Variants in ZDHHC15 observed in about 807,000 individuals in gnomAD.
The protein encoded by ZDHHC15 is palmitoyltransferase ZDHHC15.
ZDHHC15 carries 19 observed loss-of-function variants against 31.7 expected under a neutral mutation model. The observed-to-expected ratio is 0.60, with a 90% CI of 0.42 to 0.88. The LOEUF (loss-of-function observed/expected upper bound fraction) is 0.88. Ranked by LOEUF, ZDHHC15 falls within the 40% of genes least tolerant of loss-of-function variation. The probability of loss-of-function intolerance (pLI) is 0.00; values close to 1 mark genes in which losing one functional copy is unlikely to be tolerated. For missense variants in ZDHHC15, 209 were observed against 251.2 expected, an observed-to-expected ratio of 0.83 and a Z score of 1.14; for synonymous variants, 103 against 90.0, an observed-to-expected ratio of 1.14 and a Z score of -0.82.
chrX:75,488,062 C>T (rs2084806795), intron 2 of ZDHHC15, among the ~76,000 whole-genome samples: 2 of 111,808 alleles, frequency 1.8e-5, no homozygotes, highest in African/African-American at 6.5e-5. Context: ...ACTGTTGTTC[C>T]TGAGGAAAAA....
At chrX:75,517,040 C>G (rs1320255120) in intron 1 of ZDHHC15, among the ~76,000 whole-genome samples, 1 of 111,815 alleles carries the variant, frequency 8.9e-6, no homozygotes, top group African/African-American at 3.3e-5. Flanking sequence ...CAATGAGATA[C>G]CATCTCACAC....
At chrX:75,494,117 C>A (rs1438563919) in intron 2 of ZDHHC15, among the ~76,000 whole-genome samples, 1 of 111,367 alleles carries the variant, frequency 9.0e-6, no homozygotes, top group Non-Finnish European at 1.9e-5. Flanking sequence ...ACAAAAATCA[C>A]AAGCATTCTT....
intron 2 of ZDHHC15, chrX:75,502,144 G>A (rs1233773061): frequency 8.9e-6 from 1 of 111,822 alleles, no homozygotes; most frequent in Non-Finnish European, 1.9e-5. Flanking sequence ...AGAAGTCCAA[G>A]ATAAAAGTGT....
At chrX:75,513,794 T>C (rs1214170198) in intron 1 of ZDHHC15, among the ~76,000 whole-genome samples, 2 of 109,991 alleles carry the variant, frequency 1.8e-5, no homozygotes, top group African/African-American at 6.6e-5. Flanking sequence ...AACTAAAAGA[T>C]ATCCACAATC....
At chrX:75,460,810 T>C (rs965767659) in intron 3 of ZDHHC15, among the ~76,000 whole-genome samples, 5 of 111,773 alleles carry the variant, frequency 4.5e-5, no homozygotes, top group Non-Finnish European at 9.4e-5. Flanking sequence ...ACATTGAAGA[T>C]AGATAAGCCC....
At chrX:75,386,533 T>C (rs761677357) in intron 10 of ZDHHC15, among the ~76,000 whole-genome samples, 8 of 111,150 alleles carry the variant, frequency 7.2e-5, no homozygotes, top group Non-Finnish European at 1.3e-4. Flanking sequence ...TGGAGTGCAG[T>C]TGTGTGGTCA....
At chrX:75,493,804 T>G (rs1430213665) in intron 2 of ZDHHC15, among the ~76,000 whole-genome samples, 4 of 111,680 alleles carry the variant, frequency 3.6e-5, no homozygotes, top group African/African-American at 6.5e-5. Context: ...GAGCTATCTA[T>G]GACAAAACCA....
At chrX:75,444,213 T>C (rs1279176594) in intron 4 of ZDHHC15, among the ~76,000 whole-genome samples, 53 of 110,396 alleles carry the variant, frequency 4.8e-4, no homozygotes, top group Admixed American at 6.8e-4. Flanking sequence ...GACTTGGAAC[T>C]AACCCAAATG....
chrX:75,409,483 G>A (rs1390787869), intron 10 of ZDHHC15, among the ~76,000 whole-genome samples: 2 of 32,722 alleles, frequency 6.1e-5, no homozygotes, highest in Non-Finnish European at 4.9e-5. Context: ...GGAAGTCCCT[G>A]CCAAAAAAAA....
At chrX:75,436,823 G>A (rs1223465112) in intron 4 of ZDHHC15, among the ~76,000 whole-genome samples, 1 of 112,757 alleles carries the variant, frequency 8.9e-6, no homozygotes, top group Non-Finnish European at 1.9e-5. Context: ...TAGTTGGGTA[G>A]AATGTTCTGT....
At chrX:75,440,684 C>G (rs569463219) in intron 4 of ZDHHC15, among the ~76,000 whole-genome samples, 1 of 112,073 alleles carries the variant, frequency 8.9e-6, no homozygotes, top group South Asian at 3.7e-4. Flanking sequence ...GGGATTCAAT[C>G]TTTCCCTAGG....
rs753179436 is a variant in ZDHHC15, at chrX:75,400,469, G to T, written c.967+16618C>A. 8.1e-5 allele frequency among the ~76,000 whole-genome samples: 9 copies of T among 111,762 alleles called. No individual in the cohort carries two copies. In the South Asian group the frequency reaches 3.4e-3, roughly 43 times the overall value. ...GGGAAATGAACAAAACCTCCAAGAA[G>T]TATGAGATTATGTAAAGAGGCCAAA... is the stretch of plus-strand genomic sequence containing the variant. On this transcript the variant is annotated intron_variant, in intron 10 of 11. Transcript: ENST00000373367.
chrX:75,403,111 C>T (rs1290812923), intron 10 of ZDHHC15, among the ~76,000 whole-genome samples: 1 of 112,338 alleles, frequency 8.9e-6, no homozygotes, highest in African/African-American at 3.2e-5. Context: ...TGTGATTAAT[C>T]ACATAAATAG....
intron 1 of ZDHHC15, among the ~76,000 whole-genome samples, chrX:75,516,000 T>C (rs1425495869): frequency 9.0e-6 from 1 of 111,027 alleles, no homozygotes; most frequent in Non-Finnish European, 1.9e-5. Context: ...TCAAAGAGAA[T>C]AAAATACCTA....
At position 75,440,695 on chromosome X, in the gene ZDHHC15, G is replaced by T. The variant is rs777252525; in HGVS notation, c.380-9175C>A. ...AGCGGGGATTCAATCTTTCCCTAGG[G>T]TCACCTGGATAAGTATTCTGGTTTC... On this transcript the variant is annotated intron_variant, in intron 4 of 11. Coordinates refer to ENST00000373367, the MANE Select transcript of ZDHHC15 (RefSeq NM_144969.3). Among the ~76,000 whole-genome samples the T allele has an allele frequency of 1.1e-4, 12 of 111,885 alleles. No homozygotes were observed. The South Asian group carries it at 4.5e-3, about 42-fold the overall frequency.
At chrX:75,517,600 G>C (rs1238632597) in intron 1 of ZDHHC15, among the ~76,000 whole-genome samples, 1 of 76,702 alleles carries the variant, frequency 1.3e-5, no homozygotes, top group East Asian at 5.6e-4. Flanking sequence ...GGTGGGGGGA[G>C]GGGGGAGGGA....
At chrX:75,410,615 A>G (rs1156466324) in intron 10 of ZDHHC15, among the ~76,000 whole-genome samples, 1 of 112,034 alleles carries the variant, frequency 8.9e-6, no homozygotes, top group Admixed American at 9.4e-5. Context: ...ATGAAAGGGG[A>G]ATGCTTGCAC....
At chrX:75,494,628 G>A (rs1266074376) in intron 2 of ZDHHC15, among the ~76,000 whole-genome samples, 11 of 111,490 alleles carry the variant, frequency 9.9e-5, no homozygotes, top group African/African-American at 2.6e-4. Flanking sequence ...AAATAATGCC[G>A]CTTATCTACA....
intron 3 of ZDHHC15, among the ~76,000 whole-genome samples, chrX:75,461,283 T>C (rs1192522642): frequency 6.3e-5 from 7 of 111,745 alleles, no homozygotes; most frequent in African/African-American, 6.5e-5. Context: ...TATGGAATTA[T>C]ATAAAGAGAG....
Sources: gnomAD v4.1 joint callset for allele counts (sites outside exome capture counted in the v4.1 genomes callset) on GRCh38, gnomAD v4.1.1 for gene constraint, MANE v1.5 for transcripts, NCBI Gene and HGNC (gene_info 2026-07-23, HGNC 2026-07-21) for gene names.